BANP: variants seen among roughly 807,000 people sequenced by gnomAD.
BANP encodes BTG3 associated nuclear protein.
In BANP, 11 loss-of-function variants were observed where a neutral mutation model predicts 68.1. The ratio of observed to expected loss-of-function variants is 0.16; its 90% CI spans 0.10 to 0.27. The LOEUF is 0.27. BANP is among the 10% of genes least tolerant of loss of function. The pLI is 1.00. For missense variants in BANP, 504 were observed against 722.7 expected, an observed-to-expected ratio of 0.70 and a Z score of 3.47; for synonymous variants, 329 against 303.2, an observed-to-expected ratio of 1.09 and a Z score of -0.88.
intron 11 of BANP, among the ~76,000 whole-genome samples, chr16:88,055,204 T>A (rs1489238457): frequency 6.6e-6 from 1 of 152,080 alleles, no homozygotes; most frequent in African/African-American, 2.4e-5. Flanking sequence ...GGCTAAACAA[T>A]GTGAAATCAC....
At chr16:88,031,768 A>G (rs1342520443) in intron 8 of BANP, among the ~76,000 whole-genome samples, 1 of 151,982 alleles carries the variant, frequency 6.6e-6, no homozygotes, top group African/African-American at 2.4e-5. Context: ...ATACATGGAA[A>G]GCTTTTCTCT....
At chr16:88,054,980 A>G (rs1055879660) in intron 11 of BANP, among the ~76,000 whole-genome samples, 1 of 152,122 alleles carries the variant, frequency 6.6e-6, no homozygotes, top group African/African-American at 2.4e-5. Context: ...TTCTTTCACT[A>G]TATTTGGAAG....
At chr16:87,992,327 C>A (rs974374179) in intron 4 of BANP, among the ~76,000 whole-genome samples, 3 of 151,804 alleles carry the variant, frequency 2.0e-5, no homozygotes, top group Admixed American at 1.3e-4. Context: ...TTTTTTTTGC[C>A]ATGTCTTTTT....
chr16:87,966,682 T>A (rs1007715026), intron 1 of BANP: 1 of 152,220 alleles, frequency 6.6e-6, no homozygotes, highest in African/African-American at 2.4e-5. Context: ...AGCAAAAAGC[T>A]TGAATTGGGC....
At chr16:87,984,921 T>C (rs1368706939) in intron 4 of BANP, among the ~76,000 whole-genome samples, 1 of 152,244 alleles carries the variant, frequency 6.6e-6, no homozygotes, top group African/African-American at 2.4e-5. Flanking sequence ...GGCACGGCTT[T>C]GTGCTTGACG....
chr16:88,025,411 C>T (rs747141180), intron 7 of BANP, among the ~76,000 whole-genome samples: 2 of 152,188 alleles, frequency 1.3e-5, no homozygotes, highest in Non-Finnish European at 2.9e-5. Context: ...AGCCAAGATT[C>T]GAGGGTGACT....
chr16:87,949,521 A>G (rs1243499815), upstream of BANP: 1 of 152,198 alleles, frequency 6.6e-6, no homozygotes, highest in Non-Finnish European at 1.5e-5. Flanking sequence ...CTGGACTGCA[A>G]ACTCAGCTTG....
intron 6 of BANP, among the ~76,000 whole-genome samples, chr16:88,017,807 C>T (rs2152658924): frequency 6.6e-6 from 1 of 152,370 alleles, no homozygotes; most frequent in South Asian, 2.1e-4. Context: ...ACTGACAGTG[C>T]AGAACGTGGC....
intron 11 of BANP, among the ~76,000 whole-genome samples, chr16:88,050,764 C>A (rs932693319): frequency 2.0e-5 from 3 of 152,172 alleles, no homozygotes; most frequent in Non-Finnish European, 4.4e-5. Flanking sequence ...TCACGGCTCA[C>A]TGCAACCTCT....
chr16:88,060,808 G>A (rs1238697321), intron 11 of BANP, among the ~76,000 whole-genome samples: 3 of 152,144 alleles, frequency 2.0e-5, no homozygotes, highest in Non-Finnish European at 4.4e-5. Context: ...GCTTGTGCAC[G>A]CGTCATGCAG....
intron 11 of BANP, among the ~76,000 whole-genome samples, chr16:88,045,829 C>T (rs1314413246): frequency 6.6e-6 from 1 of 151,974 alleles, no homozygotes; most frequent in Non-Finnish European, 1.5e-5. Flanking sequence ...AGTCTCAGGG[C>T]GGCCGCTCCC....
At chr16:87,994,022 C>T (rs867570192) in intron 4 of BANP, among the ~76,000 whole-genome samples, 4 of 152,204 alleles carry the variant, frequency 2.6e-5, no homozygotes, top group African/African-American at 9.6e-5. Flanking sequence ...GACCAGGATG[C>T]GGTGTTTGGA....
At position 87,984,080 on chromosome 16, in the gene BANP, C is replaced by G. The variant is rs1424807221; in HGVS notation, c.183C>G (p.Asn61Lys). The G allele has an allele frequency of 6.2e-7, 1 of 1,614,040 alleles. No homozygotes were observed. Among genetic ancestry groups the G allele is most frequent in the Admixed American group, 1.7e-5 (1 of 60,026 alleles). Residue 61 changes from asparagine (N) to lysine (K), a missense_variant, in exon 4 of 14, where the codon AAC becomes AAG. Around this residue, in one of 3 missense-constraint regions of BANP, gnomAD observed 238 missense variants for 278.9 expected, o/e 0.85. Transcript: ENST00000682872. The part of the protein sequence containing the change: ...PSIKSFLYSI[N>K]QTICLRLDSI... Reference sequence around the variant, plus strand: ...TCCAGTCATTCCTGTATTCCATCAACCAGACAATCTGCTTGCGGTTGGATA... The same window carrying G: ...TCCAGTCATTCCTGTATTCCATCAAGCAGACAATCTGCTTGCGGTTGGATA...
chr16:87,994,468 C>T (rs531605588), intron 4 of BANP, among the ~76,000 whole-genome samples: 6 of 152,324 alleles, frequency 3.9e-5, no homozygotes, highest in East Asian at 1.9e-4. Flanking sequence ...TGTTTAGCAA[C>T]GAGGTTTTAA....
chr16:88,054,582 A>G (rs941612834), intron 11 of BANP, among the ~76,000 whole-genome samples: 1 of 152,214 alleles, frequency 6.6e-6, no homozygotes, highest in Non-Finnish European at 1.5e-5. Context: ...TATCACAGCC[A>G]TCAACAGCAC....
intron 3 of BANP, among the ~76,000 whole-genome samples, chr16:87,983,517 C>T (rs957132841): frequency 1.2e-4 from 18 of 152,242 alleles, no homozygotes; most frequent in African/African-American, 4.3e-4. Context: ...AAAGGTCAGA[C>T]GTGGAGCCCG....
At chr16:88,006,342 G>C (rs748066517) in intron 6 of BANP, 77 bp downstream of exon 6, 251 of 1,501,446 alleles carry the variant, frequency 1.7e-4, no homozygotes, top group Non-Finnish European at 2.1e-4. Flanking sequence ...AAATTTTGTT[G>C]TTTTTTAAAG....
rs1319314694 is a variant in BANP, at chr16:88,036,667, C to T, written c.1272+1273C>T. 6.6e-6 allele frequency among the ~76,000 whole-genome samples: 1 copy of T among 152,056 alleles called. No individual in the cohort carries two copies. Among genetic ancestry groups the T allele is most frequent in the Non-Finnish European group, 1.5e-5 (1 of 68,010 alleles). ...GGGAGGAACGAATTCATGTGGGGGC[C>T]GTGAGCGACTGGGAATGAGTGGGCT... On this transcript the variant is annotated intron_variant, in intron 10 of 13. Coordinates refer to ENST00000682872, the MANE Select transcript of BANP (RefSeq NM_001386991.1). This position sits in a 1 kb window ranked among gnomAD's most constrained non-coding sequence, Gnocchi z 4.2.
rs1352666254 is a variant in BANP at position 88,002,343 on chromosome 16, C to T, written c.363-1952C>T. On this transcript the variant is annotated intron_variant, in intron 4 of 13. Transcript: ENST00000682872. This position sits in a 1 kb window ranked among gnomAD's most constrained non-coding sequence, Gnocchi z 4.6. ...CAAAGATTGCAACCCAGCTGACTTA[C>T]CAAGGGCTTTCTAGTCAGCCGGTGA... Among the ~76,000 whole-genome samples the T allele has an allele frequency of 6.6e-6, 1 of 152,084 alleles. No homozygotes were observed. Among genetic ancestry groups the T allele is most frequent in the Non-Finnish European group, 1.5e-5 (1 of 68,008 alleles).
Sources: allele counts gnomAD v4.1 joint callset (sites outside exome capture counted in the v4.1 genomes callset), GRCh38; gene constraint gnomAD v4.1.1; regional missense constraint gnomAD v4.1.1; non-coding constraint Gnocchi (gnomAD v3.1); transcripts MANE v1.5; gene names NCBI Gene and HGNC (gene_info 2026-07-23, HGNC 2026-07-21).